The following MPHOSPH10 variants were observed in gnomAD, a reference collection of about 807,000 sequenced individuals.
MPHOSPH10 encodes U3 small nucleolar ribonucleoprotein MPP10.
A neutral mutation model predicts 77.3 loss-of-function variants in MPHOSPH10; 33 were observed. The ratio of observed to expected loss-of-function variants is 0.43; its 90% CI spans 0.32 to 0.57. MPHOSPH10 has a LOEUF of 0.57. MPHOSPH10 is among the 20% of genes least tolerant of loss of function. MPHOSPH10 has a pLI of 0.07. For missense variants in MPHOSPH10, 708 were observed against 780.1 expected, an observed-to-expected ratio of 0.91 and a Z score of 1.10; for synonymous variants, 245 against 268.0, an observed-to-expected ratio of 0.91 and a Z score of 0.84.
intron 4 of MPHOSPH10, among the ~76,000 whole-genome samples, chr2:71,136,773 T>C (rs1305221908): frequency 2.0e-5 from 3 of 151,832 alleles, no homozygotes; most frequent in Admixed American, 2.0e-4. Flanking sequence ...TATCAGACCT[T>C]CAAGTTAAGT....
intron 7 of MPHOSPH10, among the ~76,000 whole-genome samples, chr2:71,143,294 G>A (rs1035910518): frequency 2.6e-5 from 4 of 151,708 alleles, no homozygotes; most frequent in Admixed American, 6.6e-5. Flanking sequence ...CACCAAGCCC[G>A]TCTAATTTTT....
At chr2:71,134,445 A>T (rs1410024336) in intron 3 of MPHOSPH10, among the ~76,000 whole-genome samples, 181 bp from the exon 4 acceptor site, 1 of 152,170 alleles carries the variant, frequency 6.6e-6, no homozygotes, top group Non-Finnish European at 1.5e-5. Context: ...TCTGTTTCTT[A>T]CATAGCGTTT....
In MPHOSPH10 at chr2:71,149,340, C is replaced by A; in HGVS notation, c.1783C>A (p.Arg595=). Residue 595 remains arginine, a synonymous_variant, in exon 10 of 11, where the codon CGG becomes AGG. Transcript: ENST00000244230. The part of the protein sequence containing the change: ...KRMKIKEKEK[R]RKLLEKSSVD... ...TATGAAAATAAAAGAGAAGGAGAAG[C>A]GGAGAAAACTGCTTGAAAAGAGCAG... is the stretch of plus-strand genomic sequence containing the variant. 6.2e-7 allele frequency: 1 copy of A among 1,613,766 alleles called. No homozygotes were observed. Among genetic ancestry groups the A allele is most frequent in the Non-Finnish European group, 8.5e-7 (1 of 1,179,842 alleles).
intron 1 of MPHOSPH10, among the ~76,000 whole-genome samples, chr2:71,131,245 C>A (rs779156466): frequency 2.0e-5 from 3 of 152,210 alleles, no homozygotes; most frequent in Non-Finnish European, 4.4e-5. Flanking sequence ...AATTATTACT[C>A]ATTTATGTTT....
chr2:71,138,193 G>A (rs990455387), intron 4 of MPHOSPH10, among the ~76,000 whole-genome samples: 4 of 152,170 alleles, frequency 2.6e-5, no homozygotes, highest in African/African-American at 4.8e-5. Context: ...CTTGACTTGC[G>A]AATAGATAGA....
chr2:71,142,772 G>GAA (rs1673635333), intron 7 of MPHOSPH10, among the ~76,000 whole-genome samples: 1 of 152,208 alleles, frequency 6.6e-6, no homozygotes, highest in Non-Finnish European at 1.5e-5. Flanking sequence ...ACTATGGCTG[G>GAA]AAGGTGGGTG....
At position 71,133,429 on chromosome 2, in the gene MPHOSPH10, C is replaced by T; in HGVS notation, c.621C>T (p.Leu207=). 2.5e-6 allele frequency: 4 copies of T among 1,613,938 alleles called. No homozygotes were observed. Among genetic ancestry groups the T allele is most frequent in the Non-Finnish European group, 2.5e-6 (3 of 1,179,996 alleles). Residue 207 remains leucine (L), a synonymous_variant, in exon 2 of 11, where the codon CTC becomes CTT. Transcript: ENST00000244230. ...KSIVDDKFFK[L]SEMEAYLENI... ...TAGTAGATGATAAATTCTTCAAACT[C>T]TCTGAAATGGAGGCCTATTTAGAAA...
At chr2:71,144,897 G>A (rs575302889) in intron 8 of MPHOSPH10, among the ~76,000 whole-genome samples, 5 of 152,196 alleles carry the variant, frequency 3.3e-5, no homozygotes, top group Non-Finnish European at 7.3e-5. Context: ...AATGGGTTTG[G>A]AGATGTATGG....
intron 8 of MPHOSPH10, among the ~76,000 whole-genome samples, chr2:71,147,001 T>C (rs1673721948): frequency 6.6e-6 from 1 of 152,256 alleles, no homozygotes; most frequent in Non-Finnish European, 1.5e-5. Context: ...AAGCAGATGG[T>C]CCTTCAATTA....
At chr2:71,146,254 T>C (rs1185467681) in intron 8 of MPHOSPH10, among the ~76,000 whole-genome samples, 2 of 152,132 alleles carry the variant, frequency 1.3e-5, no homozygotes, top group African/African-American at 4.8e-5. Flanking sequence ...CCCTTGATAT[T>C]ACTTTTTTCA....
intron 4 of MPHOSPH10, among the ~76,000 whole-genome samples, 165 bp from the exon 5 acceptor site, chr2:71,138,322 CATA>C (rs1459484182): frequency 6.6e-6 from 1 of 152,230 alleles, no homozygotes. Flanking sequence ...CTCACCCCAC[CATA>C]GGCAGCAGAA....
In MPHOSPH10 at chr2:71,149,928, A is replaced by G. The variant is rs1403421430; in HGVS notation, c.1959A>G (p.Gln653=). 6.3e-7 allele frequency: 1 copy of G among 1,576,476 alleles called. No individual in the cohort carries two copies. The highest frequency in any genetic ancestry group is 8.6e-7 in the Non-Finnish European group (1 of 1,165,582). Residue 653 remains glutamine (Q), a synonymous_variant, in exon 11 of 11, where the codon CAA becomes CAG. Transcript: ENST00000244230. ...SQAFFSKLQD[Q]VKMQINDAKK... ...CATTCTTTTCTAAATTACAAGATCA[A>G]GTAAAAATGCAAATCAATGATGCAA...
chr2:71,144,203 G>C (rs1673666056), intron 7 of MPHOSPH10: 1 of 403,336 alleles, frequency 2.5e-6, no homozygotes, highest in Admixed American at 4.3e-5. Context: ...TAAGTTCTGA[G>C]TATTAGAGGT....
rs1462864021 is a variant in MPHOSPH10 at position 71,148,079 on chromosome 2, A to T, written c.1638A>T (p.Ala546=). Residue 546 remains alanine (A), a synonymous_variant, in exon 9 of 11, where the codon GCA becomes GCT. Transcript: ENST00000244230. ...EEVAPVSVSD[A]ALLAPEEIKE... is the part of the protein sequence containing the mutation. ...TAGCCCCAGTGAGTGTTAGTGATGCAGCTCTCCTGGCCCCAGAGGAGATCA... is the reference window on the plus strand; with the variant it reads ...TAGCCCCAGTGAGTGTTAGTGATGCTGCTCTCCTGGCCCCAGAGGAGATCA... 25 of 1,614,104 alleles carry T rather than the reference A, an allele frequency of 1.5e-5. No individual in the cohort carries two copies. The highest frequency in any genetic ancestry group is 2.0e-5 in the Non-Finnish European group (24 of 1,179,946).
chr2:71,135,698 TTTTC>T (rs1484490292), intron 4 of MPHOSPH10, among the ~76,000 whole-genome samples: 3 of 148,528 alleles, frequency 2.0e-5, no homozygotes, highest in Non-Finnish European at 4.4e-5. Context: ...TTCTTTTTCT[TTTTC>T]TTTTTTTTTT....
chr2:71,137,523 G>A (rs1673520090), intron 4 of MPHOSPH10, among the ~76,000 whole-genome samples: 1 of 152,040 alleles, frequency 6.6e-6, no homozygotes, highest in Admixed American at 6.6e-5. Flanking sequence ...GTCAGGCGTG[G>A]TTGCACGCGC....
chr2:71,148,439 T>G (rs745841448), intron 9 of MPHOSPH10: 3 of 200,406 alleles, frequency 1.5e-5, no homozygotes, highest in Middle Eastern at 3.9e-3. Flanking sequence ...AGCAATAGTT[T>G]AGTGTCAGCA....
intron 4 of MPHOSPH10, among the ~76,000 whole-genome samples, chr2:71,136,629 C>G (rs1187258293): frequency 1.3e-5 from 2 of 151,802 alleles, no homozygotes; most frequent in Non-Finnish European, 2.9e-5. Context: ...CAGATTGTCC[C>G]CAGAAGATAG....
Position 71,138,531 on chromosome 2 carries a change from A to C in MPHOSPH10, c.1140A>C (p.Glu380Asp). 6.2e-7 allele frequency: 1 copy of C among 1,601,078 alleles called. No individual in the cohort carries two copies. The change falls in exon 5 of 11, where the codon GAA (glutamate) becomes GAC (aspartate). Residue 380 changes from glutamate (E) to aspartate (D), a missense_variant. This residue lies in a region of MPHOSPH10 where 433 missense variants were observed against 432.6 expected (regional missense o/e 1.00). Transcript: ENST00000244230. ...CATCTTTAGAAAAAGAGTTGTTAGA[A>C]AAAAAGCCGTGGCAGCTTCAGGGGG... The part of the protein sequence containing the change: ...KIASLEKELL[E>D]KKPWQLQGEV...
Sources: gnomAD v4.1 joint callset for allele counts (sites outside exome capture counted in the v4.1 genomes callset) on GRCh38, gnomAD v4.1.1 for gene constraint, gnomAD v4.1.1 regional missense constraint, MANE v1.5 for transcripts, NCBI Gene and HGNC (gene_info 2026-07-23, HGNC 2026-07-21) for gene names.